Variants in ITPR1 observed in about 807,000 individuals in gnomAD.
The protein encoded by ITPR1 is inositol 1,4,5-trisphosphate receptor type 1.
Under a neutral mutation model 318.4 loss-of-function variants are expected in ITPR1, and 96 were observed. The observed-to-expected ratio is 0.30, with a 90% confidence interval of 0.26 to 0.36. The LOEUF (loss-of-function observed/expected upper bound fraction) is 0.36. ITPR1 is among the 10% of genes least tolerant of loss of function. ITPR1 has a pLI of 1.00. For synonymous variants in ITPR1, 1,312 were observed against 1,289.9 expected (o/e 1.02, Z -0.37); for missense variants, 2,440 against 3,460.2 (o/e 0.71, Z 7.40).
chr3:4,730,015 A>C (rs1217202266), intron 42 of ITPR1, among the ~76,000 whole-genome samples: 2 of 151,144 alleles, frequency 1.3e-5, no homozygotes, highest in African/African-American at 4.9e-5. Context: ...TTATATCAGG[A>C]TGATTAGGAA....
chr3:4,795,434 T>G (rs1276978995), intron 53 of ITPR1, among the ~76,000 whole-genome samples: 1 of 152,240 alleles, frequency 6.6e-6, no homozygotes, highest in Non-Finnish European at 1.5e-5. Flanking sequence ...ATTAAACCTG[T>G]GAGAAAGTCT....
At chr3:4,603,504 A>C (rs1186769849) in intron 4 of ITPR1, among the ~76,000 whole-genome samples, 1 of 152,072 alleles carries the variant, frequency 6.6e-6, no homozygotes, top group East Asian at 1.9e-4. Flanking sequence ...ATCTCGGCTC[A>C]CTGCAACCTC....
At chr3:4,685,287 A>T in intron 30 of ITPR1, 81 bp downstream of exon 30, 1 of 1,364,088 alleles carries the variant, frequency 7.3e-7, no homozygotes, top group Non-Finnish European at 9.7e-7. Context: ...ACATCTGGAT[A>T]TTGTTAGTGA....
At chr3:4,839,256 G>A (rs1372168741) in intron 61 of ITPR1, among the ~76,000 whole-genome samples, 2 of 152,130 alleles carry the variant, frequency 1.3e-5, no homozygotes, top group Non-Finnish European at 2.9e-5. Context: ...GAACCCAGGA[G>A]GCGGAGGTTG....
intron 52 of ITPR1, among the ~76,000 whole-genome samples, chr3:4,792,780 A>G (rs2047655072): frequency 6.6e-6 from 1 of 152,234 alleles, no homozygotes; most frequent in Non-Finnish European, 1.5e-5. Context: ...ATGAACCAGC[A>G]GTTTCACTCT....
At chr3:4,641,935 T>C (rs1287228362) in intron 6 of ITPR1, among the ~76,000 whole-genome samples, 158 bp from the exon 7 acceptor site, 1 of 152,242 alleles carries the variant, frequency 6.6e-6, no homozygotes, top group Non-Finnish European at 1.5e-5. Flanking sequence ...CTTCCTTTTC[T>C]AATCATCTGC....
intron 30 of ITPR1, among the ~76,000 whole-genome samples, chr3:4,686,007 C>G (rs141945914): frequency 2.0e-4 from 31 of 152,322 alleles, no homozygotes; most frequent in African/African-American, 6.5e-4. Flanking sequence ...AGGCTCATTT[C>G]TAGGTGCTTG....
At chr3:4,661,209 T>C (rs184493515) in intron 14 of ITPR1, 122 bp downstream of exon 14, 28 of 553,452 alleles carry the variant, frequency 5.1e-5, no homozygotes, top group African/African-American at 4.7e-4. Context: ...AGTGTGGTCA[T>C]GGCCGAACTT....
chr3:4,562,230 A>G (rs2086753930), intron 4 of ITPR1, among the ~76,000 whole-genome samples: 2 of 152,334 alleles, frequency 1.3e-5, no homozygotes, highest in South Asian at 4.1e-4. Flanking sequence ...GAATTTAGAT[A>G]CAGCTCATCA....
At chr3:4,781,024 G>C (rs188832411) in intron 49 of ITPR1, among the ~76,000 whole-genome samples, 1 of 152,252 alleles carries the variant, frequency 6.6e-6, no homozygotes, top group Non-Finnish European at 1.5e-5. Flanking sequence ...AATAGAACAC[G>C]TGTGTACATG....
At chr3:4,703,536 C>T (rs562857886) in intron 36 of ITPR1, among the ~76,000 whole-genome samples, 2 of 152,146 alleles carry the variant, frequency 1.3e-5, no homozygotes, top group Admixed American at 6.5e-5. Context: ...TTCCCCACCC[C>T]CTATTAATGT....
rs75484707 is a variant in ITPR1, at chr3:4,503,267, C to G, written c.-17+8761C>G. 8.5e-5 allele frequency among the ~76,000 whole-genome samples: 13 copies of G among 152,190 alleles called. No homozygotes were observed. In the East Asian group the frequency reaches 2.5e-3, roughly 29 times the overall value. On this transcript the variant is annotated intron_variant, in intron 2 of 61. Coordinates refer to ENST00000649015, the MANE Select transcript of ITPR1 (RefSeq NM_001378452.1). ...GAGTGGAAAAATCAGGTAGTGAAAC[C>G]AAGCTGCTTTCAGGTCATATTGGTA...
Position 4,587,237 on chromosome 3 carries a change from G to GTGCTGCTGA in ITPR1, c.164-40517_164-40509dup, listed in dbSNP as rs1302540763. ...GGCCTGCATTTCTAGCAAGCACCCA[G>GTGCTGCTGA]TGCTGCTGATGCTGCTGGTTCACAC... is the stretch of plus-strand genomic sequence containing the variant. On this transcript the variant is annotated intron_variant, in intron 4 of 61. Transcript: ENST00000649015. Among the ~76,000 whole-genome samples the GTGCTGCTGA allele has an allele frequency of 1.7e-4, 25 of 150,418 alleles. 1 individual carries two copies. Among genetic ancestry groups the GTGCTGCTGA allele is most frequent in the African/African-American group, 5.6e-4 (23 of 40,846 alleles).
chr3:4,696,838 A>G (rs1248802970), intron 33 of ITPR1, among the ~76,000 whole-genome samples: 3 of 151,010 alleles, frequency 2.0e-5, no homozygotes, highest in Non-Finnish European at 4.4e-5. Context: ...GGGCCCATTT[A>G]CCTCTTGAAT....
intron 61 of ITPR1, among the ~76,000 whole-genome samples, chr3:4,844,409 C>A (rs1426953641): frequency 2.0e-5 from 3 of 152,168 alleles, no homozygotes; most frequent in African/African-American, 7.2e-5. Context: ...CAGGCGTGAG[C>A]CCGCTGCACC....
chr3:4,622,109 C>A (rs1040226815), intron 4 of ITPR1, among the ~76,000 whole-genome samples: 2 of 105,828 alleles, frequency 1.9e-5, no homozygotes, highest in African/African-American at 3.8e-5. Context: ...ACATAGTAGA[C>A]TTTTTTTTTT....
At position 4,782,760 on chromosome 3, in the gene ITPR1, C is replaced by A; in HGVS notation, c.6510+19C>A. 1.4e-6 allele frequency: 2 copies of A among 1,455,802 alleles called. No individual in the cohort carries two copies. The highest frequency in any genetic ancestry group is 1.8e-6 in the Non-Finnish European group (2 of 1,097,454). 90.2% of individuals were successfully genotyped at this position (1,455,802 alleles called of 1,614,324 possible). On this transcript the variant is annotated intron_variant, in intron 50 of 61. Coordinates refer to ENST00000649015, the MANE Select transcript of ITPR1 (RefSeq NM_001378452.1). ...CCATCAGGTATGATCTCTCCTGTGC[C>A]TCCTCTGGATGCTGCCTCCCTACAG...
intron 3 of ITPR1, 52 bp from the exon 4 acceptor site, chr3:4,520,972 A>G (rs2082519439): frequency 7.4e-7 from 1 of 1,353,552 alleles, no homozygotes; most frequent in Non-Finnish European, 1.1e-6. Context: ...GCATAGTGCT[A>G]AGAGTTTCAT....
intron 2 of ITPR1, among the ~76,000 whole-genome samples, chr3:4,511,231 AG>A: frequency 6.6e-6 from 1 of 152,332 alleles, no homozygotes; most frequent in Middle Eastern, 3.4e-3. Flanking sequence ...CTCTTCCCCA[AG>A]GAGATCTTTC....
Sources: allele counts gnomAD v4.1 joint callset (sites outside exome capture counted in the v4.1 genomes callset), GRCh38; gene constraint gnomAD v4.1.1; transcripts MANE v1.5; gene names NCBI Gene and HGNC (gene_info 2026-07-23, HGNC 2026-07-21).